Variants in TANC2 observed in about 807,000 individuals in gnomAD.
TANC2 encodes protein TANC2.
In TANC2, 26 loss-of-function variants were observed where a neutral mutation model predicts 210.5. The ratio of observed to expected loss-of-function variants is 0.12; its 90% confidence interval spans 0.09 to 0.17. The LOEUF is 0.17. Ranked by LOEUF, TANC2 falls within the 10% of genes least tolerant of loss-of-function variation. The pLI, the probability that TANC2 is intolerant of heterozygous loss-of-function variation, is 1.00. For synonymous variants in TANC2, 931 were observed against 967.1 expected, an observed-to-expected ratio of 0.96 and a Z score of 0.69; for missense variants, 2,129 against 2,608.9, an observed-to-expected ratio of 0.82 and a Z score of 4.01.
chr17:63,415,457 G>A, intron 25 of TANC2, 71 bp from the exon 26 acceptor site: 3 of 1,569,476 alleles, frequency 1.9e-6, no homozygotes, highest in Non-Finnish European at 2.6e-6. Flanking sequence ...AAGAAGAAGG[G>A]AGTGGGGACC....
intron 2 of TANC2, among the ~76,000 whole-genome samples, chr17:63,044,472 T>C (rs983308341): frequency 2.0e-5 from 3 of 152,170 alleles, no homozygotes; most frequent in Non-Finnish European, 2.9e-5. Context: ...AGTATTCTAT[T>C]TTATGAGCCC....
intron 8 of TANC2, among the ~76,000 whole-genome samples, chr17:63,249,571 A>G (rs1160946556): frequency 2.0e-5 from 3 of 152,148 alleles, no homozygotes; most frequent in Non-Finnish European, 4.4e-5. Flanking sequence ...CTAAAATATA[A>G]ACTCTGGCCA....
chr17:63,278,433 C>T (rs966779885), intron 9 of TANC2, among the ~76,000 whole-genome samples: 5 of 152,002 alleles, frequency 3.3e-5, no homozygotes, highest in Non-Finnish European at 7.4e-5. Flanking sequence ...GATAGTACCT[C>T]ACACCTGTTA....
chr17:63,400,712 C>T (rs979042195), intron 19 of TANC2, among the ~76,000 whole-genome samples: 4 of 151,658 alleles, frequency 2.6e-5, no homozygotes, highest in African/African-American at 7.3e-5. Flanking sequence ...GACACAATCT[C>T]GGCTCACTGC....
chr17:63,251,778 G>T (rs998464310), intron 8 of TANC2, among the ~76,000 whole-genome samples: 1 of 152,016 alleles, frequency 6.6e-6, no homozygotes, highest in Non-Finnish European at 1.5e-5. Context: ...GATTTTTGAA[G>T]GAATGAACTA....
At chr17:63,396,103 G>T in intron 18 of TANC2, 175 bp downstream of exon 18, 1 of 618,708 alleles carries the variant, frequency 1.6e-6, no homozygotes, top group Non-Finnish European at 2.8e-6. Context: ...AAATGCCAAA[G>T]TCCCTCAAAT....
chr17:63,024,368 C>T (rs1456479446), intron 2 of TANC2, among the ~76,000 whole-genome samples: 2 of 152,196 alleles, frequency 1.3e-5, no homozygotes, highest in African/African-American at 4.8e-5. Context: ...TATAGGGTAA[C>T]ATCCTGTCAT....
intron 7 of TANC2, among the ~76,000 whole-genome samples, chr17:63,234,883 A>G (rs1009468217): frequency 2.6e-5 from 4 of 152,194 alleles, no homozygotes; most frequent in Admixed American, 2.6e-4. Flanking sequence ...AGATAGTAAT[A>G]TCAGTCCCGC....
chr17:63,103,998 A>G (rs1341187289), intron 4 of TANC2, among the ~76,000 whole-genome samples: 1 of 152,110 alleles, frequency 6.6e-6, no homozygotes, highest in African/African-American at 2.4e-5. Flanking sequence ...CAGTCCCTCC[A>G]CATGTGTCTC....
intron 5 of TANC2, among the ~76,000 whole-genome samples, chr17:63,156,717 T>TC (rs1199800676): frequency 2.6e-5 from 4 of 152,070 alleles, no homozygotes; most frequent in African/African-American, 7.2e-5. Context: ...TCTTTTTTTT[T>TC]TCTCTCTCTC....
chr17:63,177,665 G>A (rs1442656790), intron 5 of TANC2, among the ~76,000 whole-genome samples: 1 of 152,126 alleles, frequency 6.6e-6, no homozygotes, highest in Non-Finnish European at 1.5e-5. Flanking sequence ...TCTGATTCGT[G>A]CTGTAGGTTG....
chr17:63,058,301 T>C (rs1421320103), intron 2 of TANC2, among the ~76,000 whole-genome samples: 2 of 151,974 alleles, frequency 1.3e-5, no homozygotes, highest in East Asian at 3.8e-4. Context: ...TTTAAGTTTC[T>C]TATACATGCC....
chr17:63,394,793 T>C (rs2048101859), intron 17 of TANC2, among the ~76,000 whole-genome samples: 1 of 152,230 alleles, frequency 6.6e-6, no homozygotes, highest in African/African-American at 2.4e-5. Flanking sequence ...TATTGTATAC[T>C]CCTTTGTTGG....
Position 63,420,767 on chromosome 17 carries a change from T to C in TANC2, c.5037T>C (p.Pro1679=). 6.2e-7 allele frequency: 1 copy of C among 1,614,012 alleles called. No homozygotes were observed. Among genetic ancestry groups the C allele is most frequent in the South Asian group, 1.1e-5 (1 of 91,086 alleles). Residue 1679 remains proline, a synonymous_variant, in exon 28 of 28, where the codon CCT becomes CCC. Transcript: ENST00000689528. This position sits in a 1 kb window ranked among gnomAD's most constrained non-coding sequence, Gnocchi z 4.2. ...GGCCCTACCAGATGCCTCAGCTCCC[T>C]GTGGCAGTTCCCCAGCAAGGGCTCA...
chr17:62,973,312 A>G (rs2031816571), intron 1 of TANC2, among the ~76,000 whole-genome samples: 2 of 152,200 alleles, frequency 1.3e-5, no homozygotes, highest in Non-Finnish European at 2.9e-5. Context: ...GATTACGGGC[A>G]TGAGCCACCA....
intron 7 of TANC2, among the ~76,000 whole-genome samples, chr17:63,211,690 A>G (rs534899386): frequency 6.6e-6 from 1 of 152,220 alleles, no homozygotes; most frequent in South Asian, 2.1e-4. Flanking sequence ...TTTTGAGTCT[A>G]CTTTTCCCCC....
At chr17:63,064,490 T>C (rs1430097225) in intron 2 of TANC2, among the ~76,000 whole-genome samples, 1 of 152,052 alleles carries the variant, frequency 6.6e-6, no homozygotes, top group Non-Finnish European at 1.5e-5. Context: ...AACAAACAAT[T>C]ATACAGTCAT....
intron 4 of TANC2, among the ~76,000 whole-genome samples, chr17:63,128,736 C>G (rs928373954): frequency 1.3e-5 from 2 of 152,048 alleles, no homozygotes; most frequent in African/African-American, 4.8e-5. Context: ...TTTCGGTAGC[C>G]CTGACCAAGT....
chr17:63,275,517 A>G (rs1048782719), intron 9 of TANC2, among the ~76,000 whole-genome samples: 7 of 152,284 alleles, frequency 4.6e-5, no homozygotes, highest in Middle Eastern at 3.4e-3. Context: ...ACTAAGATGC[A>G]TGTCATGAAG....
Sources: allele counts gnomAD v4.1 joint callset (sites outside exome capture counted in the v4.1 genomes callset), GRCh38; gene constraint gnomAD v4.1.1; non-coding constraint Gnocchi (gnomAD v3.1); transcripts MANE v1.5; gene names NCBI Gene and HGNC (gene_info 2026-07-23, HGNC 2026-07-21).